Variants in GNG12 observed in about 807,000 individuals in gnomAD.
GNG12 encodes G protein subunit gamma 12.
For synonymous variants in GNG12, 28 were observed against 29.7 expected (o/e 0.94, Z 0.19); for missense variants, 69 against 83.8 (o/e 0.82, Z 0.69).
rs187881776 is a variant in GNG12 at position 67,730,160 on chromosome 1, G to A, written c.-26-22448C>T. Reference sequence around the variant, plus strand: ...ACCTTTAAAAACACATAATATGGATGAGTCTCGCAAACATAAAATTGAGTG... The same window carrying A: ...ACCTTTAAAAACACATAATATGGATAAGTCTCGCAAACATAAAATTGAGTG... On this transcript the variant is annotated intron_variant, in intron 2 of 3. Transcript: ENST00000370982. Among the ~76,000 whole-genome samples, 4 of 152,292 alleles carry A rather than the reference G, an allele frequency of 2.6e-5. No homozygotes were observed. The East Asian group carries it at 7.7e-4, about 29-fold the overall frequency.
chr1:67,767,082 T>C (rs1646645050), intron 2 of GNG12, among the ~76,000 whole-genome samples: 1 of 152,114 alleles, frequency 6.6e-6, no homozygotes, highest in South Asian at 2.1e-4. Context: ...AGAAAAATCA[T>C]ACAAAATTAG....
chr1:67,713,866 G>T (rs1646310179), intron 2 of GNG12, among the ~76,000 whole-genome samples: 1 of 152,176 alleles, frequency 6.6e-6, no homozygotes, highest in Non-Finnish European at 1.5e-5. Context: ...TCACTAACAA[G>T]ATGAAAAACA....
chr1:67,760,849 C>T (rs1570522372), intron 2 of GNG12, among the ~76,000 whole-genome samples: 1 of 152,308 alleles, frequency 6.6e-6, no homozygotes, highest in African/African-American at 2.4e-5. Flanking sequence ...AGAGAATCCA[C>T]AATAACAATA....
At chr1:67,767,403 G>GC (rs1646647712) in intron 2 of GNG12, among the ~76,000 whole-genome samples, 1 of 152,190 alleles carries the variant, frequency 6.6e-6, no homozygotes, top group Admixed American at 6.5e-5. Context: ...CACTTGCGCT[G>GC]CCCTGTGAAA....
rs1462947582 is a variant in GNG12 at position 67,702,771 on chromosome 1, T to G, written c.*2680A>C. ...GATTTATGATGAACTAATGAAGATA[T>G]AAGAATGAAAAAAAGAAAGAGATCA... On this transcript the variant is annotated 3_prime_UTR_variant, in exon 4 of 4. Transcript: ENST00000370982. 1 of 151,890 alleles carries G rather than the reference T, an allele frequency of 6.6e-6. No homozygotes were observed. The highest frequency in any genetic ancestry group is 6.6e-5 in the Admixed American group (1 of 15,256). The allele number at this position is 151,890 out of a possible 1,614,324, so 9.4% of individuals were successfully genotyped here.
At chr1:67,755,118 A>T (rs1353184772) in intron 2 of GNG12, among the ~76,000 whole-genome samples, 1 of 152,242 alleles carries the variant, frequency 6.6e-6, no homozygotes, top group African/African-American at 2.4e-5. Context: ...GCGTTGTTAC[A>T]AGAGGATGGG....
At chr1:67,777,148 ACT>A (rs1646710565) in intron 2 of GNG12, 1 of 151,982 alleles carries the variant, frequency 6.6e-6, no homozygotes, top group Admixed American at 6.6e-5. Flanking sequence ...CTGAAATAAC[ACT>A]CTGTTGTTTT....
chr1:67,822,677 T>A (rs2490308), intron 1 of GNG12, among the ~76,000 whole-genome samples: 43,946 of 152,002 alleles, frequency 0.29, 6,492 homozygotes, highest in Admixed American at 0.35. Flanking sequence ...CTAGTGTAGG[T>A]ACTCCCAGAG....
intron 2 of GNG12, among the ~76,000 whole-genome samples, chr1:67,769,672 CAGGTCAAA>C (rs1646661893): frequency 6.6e-6 from 1 of 152,216 alleles, no homozygotes; most frequent in South Asian, 2.1e-4. Flanking sequence ...CCCAGATACA[CAGGTCAAA>C]AGTTTCCCTG....
chr1:67,757,732 G>A (rs571092779), intron 2 of GNG12, among the ~76,000 whole-genome samples: 28 of 152,234 alleles, frequency 1.8e-4, no homozygotes, highest in Non-Finnish European at 2.9e-4. Flanking sequence ...TTTGGTCACA[G>A]TGGAAAAAAA....
At chr1:67,716,882 T>C (rs1646328547) in intron 2 of GNG12, among the ~76,000 whole-genome samples, 1 of 152,190 alleles carries the variant, frequency 6.6e-6, no homozygotes, top group African/African-American at 2.4e-5. Flanking sequence ...CATAGGAATA[T>C]TGCTAAAGAC....
chr1:67,820,483 C>T (rs902874675), intron 1 of GNG12, among the ~76,000 whole-genome samples: 10 of 152,016 alleles, frequency 6.6e-5, no homozygotes, highest in Admixed American at 1.3e-4. Context: ...CATCCAAGTA[C>T]GAGAGAGACA....
intron 2 of GNG12, among the ~76,000 whole-genome samples, chr1:67,759,552 A>G (rs1181096281): frequency 6.6e-6 from 1 of 152,198 alleles, no homozygotes; most frequent in African/African-American, 2.4e-5. Flanking sequence ...CTCATCTACA[A>G]AATGGACATA....
At chr1:67,718,237 A>C (rs999981134) in intron 2 of GNG12, among the ~76,000 whole-genome samples, 3 of 152,114 alleles carry the variant, frequency 2.0e-5, no homozygotes, top group African/African-American at 7.2e-5. Context: ...CCTCAACCTG[A>C]CCACCACTGT....
chr1:67,711,782 T>C (rs1646297140), intron 2 of GNG12, among the ~76,000 whole-genome samples: 1 of 152,194 alleles, frequency 6.6e-6, no homozygotes, highest in South Asian at 2.1e-4. Context: ...TTCAAAGTAA[T>C]CAGCACACCA....
At chr1:67,718,084 T>C (rs1254610411) in intron 2 of GNG12, among the ~76,000 whole-genome samples, 1 of 152,244 alleles carries the variant, frequency 6.6e-6, no homozygotes, top group Non-Finnish European at 1.5e-5. Flanking sequence ...ACTTCAGCTA[T>C]GACCAACCCA....
chr1:67,716,339 C>T (rs955766943), intron 2 of GNG12, among the ~76,000 whole-genome samples: 4 of 152,160 alleles, frequency 2.6e-5, no homozygotes, highest in African/African-American at 9.7e-5. Flanking sequence ...TTGATTTTAT[C>T]TGCCATCCAG....
intron 1 of GNG12, among the ~76,000 whole-genome samples, chr1:67,815,638 G>C (rs1049176345): frequency 2.0e-5 from 3 of 152,128 alleles, no homozygotes; most frequent in Non-Finnish European, 2.9e-5. Context: ...CCAATAATTT[G>C]TAAGTAGGAA....
At chr1:67,711,798 T>C (rs1420042196) in intron 2 of GNG12, among the ~76,000 whole-genome samples, 1 of 152,162 alleles carries the variant, frequency 6.6e-6, no homozygotes. Context: ...CACCAAAGTG[T>C]TATATTTTGG....
Sources: allele counts gnomAD v4.1 joint callset (sites outside exome capture counted in the v4.1 genomes callset), GRCh38; gene constraint gnomAD v4.1.1; transcripts MANE v1.5; gene names NCBI Gene and HGNC (gene_info 2026-07-23, HGNC 2026-07-21).